TRPA1: variants seen among roughly 807,000 people sequenced by gnomAD.
The protein encoded by TRPA1 is transient receptor potential cation channel subfamily A member 1, also known as ankyrin-like with transmembrane domains 1.
Under a neutral mutation model 131.3 loss-of-function variants are expected in TRPA1, and 129 were observed. The ratio of observed to expected loss-of-function variants is 0.98; its 90% CI spans 0.85 to 1.14. The LOEUF (loss-of-function observed/expected upper bound fraction) is 1.14, where lower values mean the gene tolerates loss of function less well. Ranked by LOEUF, TRPA1 falls within the 50% of genes most tolerant of loss-of-function variation. TRPA1 has a pLI of 0.00. For missense variants in TRPA1, 1,304 were observed against 1,354.2 expected, an observed-to-expected ratio of 0.96 and a Z score of 0.58; for synonymous variants, 441 against 451.7, an observed-to-expected ratio of 0.98 and a Z score of 0.30.
chr8:72,080,917 T>G, the TRPA1 span, among the ~76,000 whole-genome samples: 11 of 151,810 alleles, frequency 7.2e-5, no homozygotes. Context: ...CATTCCTGTT[T>G]TTTGTCATTC....
intron 3 of TRPA1, among the ~76,000 whole-genome samples, chr8:72,065,918 T>C (rs1265302203): frequency 2.0e-5 from 3 of 152,100 alleles, no homozygotes; most frequent in African/African-American, 7.2e-5. Flanking sequence ...GTGGAGCCAT[T>C]AGAAAGTGCT....
chr8:72,038,752 A>G (rs569906934), intron 19 of TRPA1, 113 bp downstream of exon 19: 19 of 897,720 alleles, frequency 2.1e-5, no homozygotes, highest in Non-Finnish European at 3.0e-5. Flanking sequence ...AAATTCTTAC[A>G]GGCTATTTAT....
chr8:72,040,911 A>T lies in TRPA1; in HGVS notation c.2062-1114T>A, dbSNP rs201130349. On this transcript the variant is annotated intron_variant, in intron 17 of 26. Coordinates refer to ENST00000262209, the MANE Select transcript of TRPA1 (RefSeq NM_007332.3). ...AAAGGCAAACTGGTTAATCTCTCCT[A>T]TTAAAATACAACGGTTGATTGAATG... is the stretch of plus-strand genomic sequence containing the variant. Among the ~76,000 whole-genome samples the T allele has an allele frequency of 1.7e-4, 26 of 152,236 alleles. 1 individual carries two copies. In the East Asian group the frequency reaches 5.0e-3, roughly 29 times the overall value.
upstream of TRPA1, among the ~76,000 whole-genome samples, chr8:72,079,429 G>A (rs775373497): frequency 7.9e-5 from 12 of 151,760 alleles, no homozygotes; most frequent in Non-Finnish European, 1.8e-4. Context: ...ATTGCATATG[G>A]ATATACAACT....
chr8:72,026,309 A>G (rs1055667315), intron 24 of TRPA1, among the ~76,000 whole-genome samples: 1 of 152,180 alleles, frequency 6.6e-6, no homozygotes, highest in African/African-American at 2.4e-5. Context: ...GAAGAAGGAG[A>G]GGGGGAAGTT....
At position 72,061,623 on chromosome 8, in the gene TRPA1, G is replaced by T; in HGVS notation, c.944+2C>A. 1 of 1,613,904 alleles carries T rather than the reference G, an allele frequency of 6.2e-7. No individual in the cohort carries two copies. Among genetic ancestry groups the T allele is most frequent in the Non-Finnish European group, 8.5e-7 (1 of 1,179,878 alleles). Reference sequence around the variant, plus strand: ...ATACAGAATGATAGGTAGGAAACTTGCCTGTGAAGCATGGTCTCATGACAT... The same window carrying T: ...ATACAGAATGATAGGTAGGAAACTTTCCTGTGAAGCATGGTCTCATGACAT... On this transcript the variant is annotated splice_donor_variant, in intron 7 of 26. Coordinates refer to ENST00000262209, the MANE Select transcript of TRPA1 (RefSeq NM_007332.3). LOFTEE classifies it high-confidence loss of function.
chr8:72,075,596 A>G (rs1806162554), upstream of TRPA1: 3 of 607,804 alleles, frequency 4.9e-6, no homozygotes, highest in Non-Finnish European at 8.8e-6. Flanking sequence ...AGGAGTTCTC[A>G]GGCCCGCGCT....
chr8:72,033,765 A>G lies in TRPA1; in HGVS notation c.2747T>C (p.Ile916Thr). ...TTCTAGGAAGGACTCTCGATAATTG[A>G]TATCTCCTAGCATCATGCTGAAGGT... ...IQTFSMMLGDINYRESFLEPY... is the reference protein window; with the variant it reads ...IQTFSMMLGDTNYRESFLEPY... Residue 916 changes from isoleucine to threonine, a missense_variant, in exon 23 of 27, where the codon ATC (isoleucine) becomes ACC (threonine). Ile to Thr is a moderately conservative substitution (Grantham distance 89). Transcript: ENST00000262209. 1 of 1,614,074 alleles carries G rather than the reference A, an allele frequency of 6.2e-7. No homozygotes were observed. Among genetic ancestry groups the G allele is most frequent in the Non-Finnish European group, 8.5e-7 (1 of 1,179,950 alleles).
At chr8:72,039,585 CCTTA>C in intron 18 of TRPA1, 138 bp downstream of exon 18, 2 of 610,794 alleles carry the variant, frequency 3.3e-6, no homozygotes, top group Non-Finnish European at 5.8e-6. Flanking sequence ...AGGGCATTTG[CCTTA>C]CTTATTTCTT....
At chr8:72,031,597 A>AC (rs1354047453) in intron 23 of TRPA1, among the ~76,000 whole-genome samples, 4 of 151,758 alleles carry the variant, frequency 2.6e-5, no homozygotes, top group East Asian at 1.9e-4. Flanking sequence ...AAAAAAACAA[A>AC]AAAAAAACAA....
At position 72,055,589 on chromosome 8, in the gene TRPA1, A is replaced by G. The variant is rs577681273; in HGVS notation, c.1376T>C (p.Ile459Thr). ...TTGTAGGAGCCTCTGACAGGTATTGATACGCCCATAACTTGGAAAAAATTA... is the reference window on the plus strand; with the variant it reads ...TTGTAGGAGCCTCTGACAGGTATTGGTACGCCCATAACTTGGAAAAAATTA... ...PLHFAASYGR[I>T]NTCQRLLQDI... is the part of the protein sequence containing the mutation. Residue 459 changes from isoleucine to threonine, a missense_variant, in exon 12 of 27, where the codon ATC (isoleucine) becomes ACC (threonine). Physicochemically the swap from Ile to Thr is moderately conservative, Grantham distance 89. Transcript: ENST00000262209. 3.1e-6 allele frequency: 5 copies of G among 1,613,486 alleles called. No individual in the cohort carries two copies. The African/African-American group carries it at 5.3e-5, about 17-fold the overall frequency.
upstream of TRPA1, chr8:72,075,587 G>A (rs1806162422): frequency 8.0e-6 from 5 of 623,876 alleles, no homozygotes; most frequent in Admixed American, 5.2e-5. Flanking sequence ...ACTTCTGGAA[G>A]GAGTTCTCAG....
chr8:72,025,987 G>T lies in TRPA1; in HGVS notation c.3024C>A (p.Asn1008Lys). The change falls in exon 25 of 27, where the codon AAC (asparagine) becomes AAA (lysine). Residue 1008 changes from asparagine to lysine, a missense_variant. Transcript: ENST00000262209. ...ATAACATCCCACCAGATCTGGGTTT[G>T]TTGGGATACACGATGGTGGATTTCT... is the stretch of plus-strand genomic sequence containing the variant. ...VDQKSTIVYP[N>K]KPRSGGMLFH... 1.2e-6 allele frequency: 2 copies of T among 1,613,902 alleles called. No homozygotes were observed. The highest frequency in any genetic ancestry group is 2.2e-5 in the East Asian group (1 of 44,876).
intron 1 of TRPA1, among the ~76,000 whole-genome samples, chr8:72,072,098 A>G (rs1383520278): frequency 6.6e-6 from 1 of 152,206 alleles, no homozygotes; most frequent in Non-Finnish European, 1.5e-5. Flanking sequence ...GAACTCATTC[A>G]TATATGCTTA....
In TRPA1 at chr8:72,022,226, C is replaced by T. The variant is rs1811419485; in HGVS notation, c.*680G>A. On this transcript the variant is annotated 3_prime_UTR_variant, in exon 27 of 27. Transcript: ENST00000262209. ...CTATATAGGTTTTACATTTATTATG[C>T]TCATTGGCAAACAAAACCAGAAACA... 1 of 153,900 alleles carries T rather than the reference C, an allele frequency of 6.5e-6. No individual in the cohort carries two copies. The highest frequency in any genetic ancestry group is 6.4e-5 in the Admixed American group (1 of 15,578). The allele number at this position is 153,900 out of a possible 1,614,324, so 9.5% of individuals were successfully genotyped here.
At chr8:72,026,306 G>A (rs576565159) in intron 24 of TRPA1, among the ~76,000 whole-genome samples, 1 of 152,380 alleles carries the variant, frequency 6.6e-6, no homozygotes, top group East Asian at 1.9e-4. Flanking sequence ...GGAGAAGAAG[G>A]AGAGGGGGAA....
At chr8:72,086,098 T>C in the TRPA1 span, among the ~76,000 whole-genome samples, 14 of 152,232 alleles carry the variant, frequency 9.2e-5, no homozygotes, top group South Asian at 2.9e-3. Flanking sequence ...AGATGGGGTT[T>C]CAACCTGTTA....
At chr8:72,054,221 G>T in intron 12 of TRPA1, 8 of 266,472 alleles carry the variant, frequency 3.0e-5, no homozygotes, top group East Asian at 2.2e-4. Context: ...TTTAAATCTT[G>T]TTTTATTCTT....
Position 72,066,112 on chromosome 8 carries a change from G to A in TRPA1, c.445-554C>T, listed in dbSNP as rs548153195. Among the ~76,000 whole-genome samples, 22 of 152,252 alleles carry A rather than the reference G, an allele frequency of 1.4e-4. No individual in the cohort carries two copies. The South Asian group carries it at 4.6e-3, about 32-fold the overall frequency. On this transcript the variant is annotated intron_variant, in intron 3 of 26. Transcript: ENST00000262209. ...TATTCTCTTCAGAGTTTTGTGTGGT[G>A]TAACCCAATTAATTCAAACTTGGCC...
Sources: allele counts gnomAD v4.1 joint callset (sites outside exome capture counted in the v4.1 genomes callset), GRCh38; gene constraint gnomAD v4.1.1; transcripts MANE v1.5; gene names NCBI Gene and HGNC (gene_info 2026-07-23, HGNC 2026-07-21).